The following FAM149B1 variants were observed in gnomAD, a reference collection of about 807,000 sequenced individuals.
FAM149B1 encodes the protein family with sequence similarity 149 member B1.
A neutral mutation model predicts 75.3 loss-of-function variants in FAM149B1; 56 were observed. The observed-to-expected ratio is 0.74, with a 90% CI of 0.60 to 0.93. The LOEUF is 0.93. Among genes scored for constraint, FAM149B1 ranks in the 40% least tolerant of loss-of-function variants. FAM149B1 has a pLI of 0.00. For synonymous variants in FAM149B1, 259 were observed against 256.1 expected, an observed-to-expected ratio of 1.01 and a Z score of -0.11; for missense variants, 639 against 708.4, an observed-to-expected ratio of 0.90 and a Z score of 1.11.
At chr10:73,190,721 CTTT>C (rs35231374) in intron 3 of FAM149B1, among the ~76,000 whole-genome samples, 7 of 134,260 alleles carry the variant, frequency 5.2e-5, no homozygotes, top group South Asian at 2.4e-4. Flanking sequence ...CCTCTGACTG[CTTT>C]TTTTTTTTTT....
rs71021549 is a variant in FAM149B1, at chr10:73,204,944, A to AT, written c.543-3623dup. On this transcript the variant is annotated intron_variant, in intron 5 of 13. Coordinates refer to ENST00000242505, the MANE Select transcript of FAM149B1 (RefSeq NM_173348.2). ...AGGCACCCGCCACCATGCCTGGCTAATTTTTTTTTTTTTTTTTTTTTTTTT... is the reference window on the plus strand; with the variant it reads ...AGGCACCCGCCACCATGCCTGGCTAATTTTTTTTTTTTTTTTTTTTTTTTTT... Among the ~76,000 whole-genome samples the AT allele has an allele frequency of 5.5e-5, 2 of 36,606 alleles. 1 individual carries two copies. Among genetic ancestry groups the AT allele is most frequent in the African/African-American group, 1.9e-4 (2 of 10,284 alleles). The allele number at this position is 36,606 out of a possible 152,430, so 24.0% of individuals were successfully genotyped here.
intron 5 of FAM149B1, among the ~76,000 whole-genome samples, chr10:73,204,860 C>G (rs2043016717): frequency 1.5e-5 from 2 of 136,980 alleles, no homozygotes; most frequent in African/African-American, 5.5e-5. Context: ...TCACTGCAAG[C>G]TGTGCCTCCT....
intron 7 of FAM149B1, among the ~76,000 whole-genome samples, chr10:73,216,408 A>G (rs1327120148): frequency 6.6e-6 from 1 of 152,018 alleles, no homozygotes; most frequent in Non-Finnish European, 1.5e-5. Flanking sequence ...GTTAACATTG[A>G]TATGTGAGAC....
At chr10:73,238,284 T>C (rs762277313) in intron 12 of FAM149B1, among the ~76,000 whole-genome samples, 1 of 152,110 alleles carries the variant, frequency 6.6e-6, no homozygotes, top group Non-Finnish European at 1.5e-5. Context: ...GAGGCAGAGG[T>C]TGCAGTGAGC....
In FAM149B1 at chr10:73,240,966, A is replaced by AT. The variant is rs779266442; in HGVS notation, c.1696_1697insT (p.Thr566IlefsTer59). 8 of 1,544,070 alleles carry AT rather than the reference A, an allele frequency of 5.2e-6. No homozygotes were observed. On this transcript the variant is annotated frameshift_variant, in exon 14 of 14. Coordinates refer to ENST00000242505, the MANE Select transcript of FAM149B1 (RefSeq NM_173348.2). LOFTEE classifies it high-confidence loss of function. The stretch of plus-strand genomic sequence containing the variant: ...GACAGGTCCTCAGTTACATGGGTCT[A>AT]CAAAATCTCAAAGCGGAGGCAGACC...
chr10:73,190,763 C>T (rs552813534), intron 3 of FAM149B1, among the ~76,000 whole-genome samples: 2 of 150,116 alleles, frequency 1.3e-5, no homozygotes, highest in Non-Finnish European at 3.0e-5. Context: ...CACTTGGTTA[C>T]CCAGGCTAGC....
At chr10:73,171,092 C>T (rs1390599666) in intron 1 of FAM149B1, among the ~76,000 whole-genome samples, 1 of 152,022 alleles carries the variant, frequency 6.6e-6, no homozygotes, top group Non-Finnish European at 1.5e-5. Flanking sequence ...CCTCAGCTTC[C>T]CAAGTCACAG....
chr10:73,197,359 C>T (rs887491523), intron 5 of FAM149B1, among the ~76,000 whole-genome samples: 7 of 152,092 alleles, frequency 4.6e-5, no homozygotes, highest in African/African-American at 1.7e-4. Flanking sequence ...TAAAAAACGA[C>T]ACAAAAATGA....
chr10:73,225,650 TAC>T (rs1020318380), intron 7 of FAM149B1, among the ~76,000 whole-genome samples: 3 of 152,218 alleles, frequency 2.0e-5, no homozygotes, highest in African/African-American at 7.2e-5. Context: ...AACCTAAATG[TAC>T]AGTGTTTATA....
At position 73,243,379 on chromosome 10, in the gene FAM149B1, C is replaced by G; in HGVS notation, c.*2360C>G. On this transcript the variant is annotated 3_prime_UTR_variant, in exon 14 of 14. Coordinates refer to ENST00000242505, the MANE Select transcript of FAM149B1 (RefSeq NM_173348.2). ...GATGGCATCAATTTACACCTAAGGA[C>G]CTTTGAAGAGAAAAATTCCATTATT... The G allele has an allele frequency of 6.2e-7, 1 of 1,612,204 alleles. No individual in the cohort carries two copies. Among genetic ancestry groups the G allele is most frequent in the Non-Finnish European group, 8.5e-7 (1 of 1,179,728 alleles).
chr10:73,197,674 G>A (rs1463616772), intron 5 of FAM149B1, among the ~76,000 whole-genome samples: 1 of 152,072 alleles, frequency 6.6e-6, no homozygotes, highest in Non-Finnish European at 1.5e-5. Flanking sequence ...GGAGGCTGAG[G>A]CAGGAGAATC....
chr10:73,191,287 T>A, intron 3 of FAM149B1, among the ~76,000 whole-genome samples: 1 of 150,896 alleles, frequency 6.6e-6, no homozygotes, highest in Non-Finnish European at 1.5e-5. Flanking sequence ...ATCTCCCGCC[T>A]CGGCCTCCCA....
At chr10:73,169,320 C>A (rs1349022366) in intron 1 of FAM149B1, among the ~76,000 whole-genome samples, 1 of 151,754 alleles carries the variant, frequency 6.6e-6, no homozygotes, top group Non-Finnish European at 1.5e-5. Flanking sequence ...AGTGAAACTC[C>A]GTCTCAAAAT....
chr10:73,187,615 G>C (rs1023777880), intron 3 of FAM149B1, among the ~76,000 whole-genome samples: 3 of 152,006 alleles, frequency 2.0e-5, no homozygotes, highest in Admixed American at 6.6e-5. Context: ...TGTAATCCCA[G>C]CTATTCCGGA....
rs2043119407 is a variant in FAM149B1 at position 73,208,630 on chromosome 10, G to A, written c.554G>A (p.Arg185Lys). Reference protein sequence around the residue: ...QERDSTIFGIRGKKLHFSSSY... With the variant: ...QERDSTIFGIKGKKLHFSSSY... Reference sequence around the variant, plus strand: ...TTTTCCACTCCAAGATTTGGTATAAGGGGAAAGAAGTTACATTTTTCATCT... The same window carrying A: ...TTTTCCACTCCAAGATTTGGTATAAAGGGAAAGAAGTTACATTTTTCATCT... Residue 185 changes from arginine to lysine, a missense_variant, in exon 6 of 14, where the codon AGG becomes AAG. Physicochemically the swap from Arg to Lys is conservative, Grantham distance 26. Coordinates refer to ENST00000242505, the MANE Select transcript of FAM149B1 (RefSeq NM_173348.2). 2.6e-6 allele frequency: 4 copies of A among 1,524,866 alleles called. No individual in the cohort carries two copies. Among genetic ancestry groups the A allele is most frequent in the Admixed American group, 2.1e-5 (1 of 48,076 alleles). The allele number at this position is 1,524,866 out of a possible 1,614,324, so 94.5% of individuals were successfully genotyped here.
At chr10:73,192,489 T>G in intron 3 of FAM149B1, 67 bp from the exon 4 acceptor site, 1 of 1,445,208 alleles carries the variant, frequency 6.9e-7, no homozygotes, top group Non-Finnish European at 9.4e-7. Flanking sequence ...CTGCTTTTAA[T>G]CTTTATAATT....
intron 7 of FAM149B1, among the ~76,000 whole-genome samples, chr10:73,213,016 G>A (rs941985480): frequency 2.6e-5 from 4 of 151,904 alleles, no homozygotes; most frequent in African/African-American, 9.7e-5. Context: ...CTAATCTTTT[G>A]GTATTTTTTT....
chr10:73,200,633 T>C, intron 5 of FAM149B1: 1 of 615,988 alleles, frequency 1.6e-6, no homozygotes, highest in Admixed American at 2.4e-5. Flanking sequence ...TACAAGTATT[T>C]AGGTTGTGTT....
intron 10 of FAM149B1, chr10:73,234,106 C>A (rs1055721875): frequency 2.0e-5 from 3 of 152,130 alleles, no homozygotes; most frequent in Admixed American, 6.5e-5. Flanking sequence ...TGATTAATTT[C>A]TAAAAATATC....
Sources: allele counts gnomAD v4.1 joint callset (sites outside exome capture counted in the v4.1 genomes callset), GRCh38; gene constraint gnomAD v4.1.1; transcripts MANE v1.5; gene names NCBI Gene and HGNC (gene_info 2026-07-23, HGNC 2026-07-21).